The following GALNT13 variants were observed in gnomAD, a reference collection of about 807,000 sequenced individuals.
The protein encoded by GALNT13 is polypeptide N-acetylgalactosaminyltransferase 13.
GALNT13 carries 28 observed loss-of-function variants against 64.2 expected under a neutral mutation model. The ratio of observed to expected loss-of-function variants is 0.44; its 90% CI spans 0.32 to 0.60. The LOEUF is 0.60. GALNT13 is among the 20% of genes least tolerant of loss of function. The probability of loss-of-function intolerance (pLI) is 0.05; values close to 1 mark genes in which losing one functional copy is unlikely to be tolerated. For missense variants in GALNT13, 577 were observed against 669.8 expected, an observed-to-expected ratio of 0.86 and a Z score of 1.53; for synonymous variants, 214 against 224.6, an observed-to-expected ratio of 0.95 and a Z score of 0.42.
At chr2:153,286,751 G>C in the GALNT13 span, among the ~76,000 whole-genome samples, 1 of 152,114 alleles carries the variant, frequency 6.6e-6, no homozygotes, top group Non-Finnish European at 1.5e-5. Flanking sequence ...GGAATCACAT[G>C]CAAATGACAC....
chr2:154,019,689 TTG>T (rs768721418), intron 3 of GALNT13, among the ~76,000 whole-genome samples: 7,148 of 94,652 alleles, frequency 0.076, 318 homozygotes, highest in African/African-American at 0.28. Flanking sequence ...AAATGATTTT[TTG>T]TTTTTTTTGT....
At chr2:153,440,315 G>T in the GALNT13 span, among the ~76,000 whole-genome samples, 1 of 152,198 alleles carries the variant, frequency 6.6e-6, no homozygotes, top group Non-Finnish European at 1.5e-5. Context: ...ATTCCGTCGT[G>T]TATATGTGCC....
At chr2:153,881,372 A>G (rs566159027) in intron 1 of GALNT13, among the ~76,000 whole-genome samples, 20 of 152,336 alleles carry the variant, frequency 1.3e-4, no homozygotes, top group African/African-American at 4.3e-4. Flanking sequence ...ATTCTGTGGT[A>G]CCCACTGTCA....
intron 3 of GALNT13, among the ~76,000 whole-genome samples, chr2:154,105,578 T>C (rs899614807): frequency 6.6e-6 from 1 of 152,166 alleles, no homozygotes; most frequent in African/African-American, 2.4e-5. Context: ...TCTATGATGT[T>C]CCTAGAATGA....
At chr2:153,938,577 G>A (rs148058083) in intron 2 of GALNT13, among the ~76,000 whole-genome samples, 104 of 152,278 alleles carry the variant, frequency 6.8e-4, no homozygotes, top group African/African-American at 2.3e-3. Context: ...TGCTGGGGCT[G>A]CCCTAATGAA....
chr2:153,734,935 G>A, the GALNT13 span, among the ~76,000 whole-genome samples: 2 of 152,132 alleles, frequency 1.3e-5, no homozygotes, highest in African/African-American at 2.4e-5. Context: ...ATGTAGAGCT[G>A]TCTTTTCTCT....
intron 2 of GALNT13, among the ~76,000 whole-genome samples, chr2:153,940,063 G>A (rs558398472): frequency 6.6e-6 from 1 of 151,206 alleles, no homozygotes; most frequent in Non-Finnish European, 1.5e-5. Flanking sequence ...TGCAAATGAG[G>A]GCATTTTTTG....
intron 4 of GALNT13, among the ~76,000 whole-genome samples, chr2:154,197,346 A>G (rs1032982273): frequency 1.3e-5 from 2 of 152,160 alleles, no homozygotes; most frequent in African/African-American, 2.4e-5. Flanking sequence ...ATTTGTAGAT[A>G]ATATGTTTCT....
chr2:153,701,402 A>T, the GALNT13 span, among the ~76,000 whole-genome samples: 1 of 152,138 alleles, frequency 6.6e-6, no homozygotes, highest in African/African-American at 2.4e-5. Flanking sequence ...CTAGAAGAAA[A>T]CCCAGGCAAT....
chr2:153,847,075 A>G, the GALNT13 span, among the ~76,000 whole-genome samples: 2 of 152,200 alleles, frequency 1.3e-5, no homozygotes, highest in African/African-American at 2.4e-5. Context: ...AAAACTAATG[A>G]AAAAAGCCAG....
rs192166926 is a variant in GALNT13 at position 154,335,144 on chromosome 2, C to G, written c.1156+33555C>G. ...CTACACCCTACTTTTCAACTGCATC[C>G]TAATTGTTTATTTACTTGTCTTTAT... On this transcript the variant is annotated intron_variant, in intron 9 of 12. Transcript: ENST00000392825. 5.3e-5 allele frequency among the ~76,000 whole-genome samples: 8 copies of G among 151,910 alleles called. 1 individual carries two copies. In the South Asian group the frequency reaches 1.0e-3, roughly 20 times the overall value.
the GALNT13 span, among the ~76,000 whole-genome samples, chr2:153,652,441 C>T: frequency 6.6e-6 from 1 of 151,996 alleles, no homozygotes; most frequent in Admixed American, 6.6e-5. Context: ...ATGGCAAAAC[C>T]CTGACTCTAC....
intron 12 of GALNT13, among the ~76,000 whole-genome samples, chr2:154,447,034 G>A (rs908588812): frequency 1.3e-5 from 2 of 150,622 alleles, no homozygotes; most frequent in South Asian, 2.1e-4. Context: ...CTTGATGAAC[G>A]ATATTATGAA....
At position 154,333,327 on chromosome 2, in the gene GALNT13, T is replaced by C. The variant is rs931372340; in HGVS notation, c.1156+31738T>C. ...ATAAATGTTTTTCTAAGTAGAGACA[T>C]GTTTTATAAAAGAAATATGAATTAT... On this transcript the variant is annotated intron_variant, in intron 9 of 12. Transcript: ENST00000392825. Among the ~76,000 whole-genome samples the C allele has an allele frequency of 7.2e-5, 11 of 152,192 alleles. No homozygotes were observed. The East Asian group carries it at 2.1e-3, about 29-fold the overall frequency.
At chr2:153,334,134 C>CA in the GALNT13 span, among the ~76,000 whole-genome samples, 3 of 151,816 alleles carry the variant, frequency 2.0e-5, no homozygotes, top group Non-Finnish European at 2.9e-5. Context: ...AAGACATTAA[C>CA]AAAAAAAGAA....
At chr2:153,248,736 A>G in the GALNT13 span, among the ~76,000 whole-genome samples, 3 of 151,338 alleles carry the variant, frequency 2.0e-5, no homozygotes, top group Non-Finnish European at 1.5e-5. Context: ...TAATGGCGTG[A>G]ACCCAGGAAG....
At chr2:154,216,961 T>A (rs184550888) in intron 4 of GALNT13, among the ~76,000 whole-genome samples, 104 of 151,556 alleles carry the variant, frequency 6.9e-4, no homozygotes, top group African/African-American at 1.9e-3. Context: ...GCTATTTTTT[T>A]TTTTTTATTT....
At chr2:153,984,029 C>T (rs1694635889) in intron 3 of GALNT13, among the ~76,000 whole-genome samples, 1 of 151,468 alleles carries the variant, frequency 6.6e-6, no homozygotes, top group Non-Finnish European at 1.5e-5. Context: ...ATTTTAAAGT[C>T]TCTTTCTATA....
chr2:154,418,366 CATGATTTTGTTA>C (rs1700113830), intron 11 of GALNT13, among the ~76,000 whole-genome samples: 1 of 152,004 alleles, frequency 6.6e-6, no homozygotes, highest in Admixed American at 6.6e-5. Flanking sequence ...ATTTTGTAGA[CATGATTTTGTTA>C]AAGATCTTGA....
Sources: allele counts gnomAD v4.1 joint callset (sites outside exome capture counted in the v4.1 genomes callset), GRCh38; gene constraint gnomAD v4.1.1; transcripts MANE v1.5; gene names NCBI Gene and HGNC (gene_info 2026-07-23, HGNC 2026-07-21).